RBFOX2: variants seen among roughly 807,000 people sequenced by gnomAD.
The protein encoded by RBFOX2 is RNA binding fox-1 homolog 2, also known as RNA binding protein fox-1 homolog 2.
A neutral mutation model predicts 49.1 loss-of-function variants in RBFOX2; 10 were observed. That is an observed-to-expected ratio of 0.20 (90% CI 0.13 to 0.35). The LOEUF (loss-of-function observed/expected upper bound fraction) is 0.35, where lower values mean the gene tolerates loss of function less well. Ranked by LOEUF, RBFOX2 falls within the 10% of genes least tolerant of loss-of-function variation. RBFOX2 has a pLI of 1.00. For synonymous variants in RBFOX2, 183 were observed against 187.4 expected (o/e 0.98, Z 0.19); for missense variants, 323 against 486.9 (o/e 0.66, Z 3.17).
At chr22:35,908,011 G>T (rs547023138) in intron 1 of RBFOX2, among the ~76,000 whole-genome samples, 7 of 152,278 alleles carry the variant, frequency 4.6e-5, no homozygotes, top group African/African-American at 1.7e-4. Context: ...CACATTTGAT[G>T]ACCAAAACAG....
exon 2 of RBFOX2, chr22:35,809,785 G>A: frequency 6.2e-7 from 1 of 1,613,740 alleles, no homozygotes; most frequent in Non-Finnish European, 8.5e-7. Context: ...CGTACCGTAA[G>A]AGATCCATTT....
intron 1 of RBFOX2, among the ~76,000 whole-genome samples, chr22:35,956,156 T>G (rs1316586407): frequency 6.6e-6 from 1 of 152,248 alleles, no homozygotes; most frequent in Non-Finnish European, 1.5e-5. Context: ...ATCTTCCAAC[T>G]GTTGACACAT....
In RBFOX2 at chr22:35,978,867, T is replaced by C. The variant is rs563025366; in HGVS notation, c.187-39970A>G. Reference sequence around the variant, plus strand: ...CTAGCATTTGACAGAATAAAACTGGTTGGTTCAGGAAAGAGTAGTCAATAG... The same window carrying C: ...CTAGCATTTGACAGAATAAAACTGGCTGGTTCAGGAAAGAGTAGTCAATAG... On this transcript the variant is annotated intron_variant, in intron 1 of 13. Coordinates refer to the RBFOX2 transcript ENST00000438146. Among the ~76,000 whole-genome samples the C allele has an allele frequency of 7.2e-5, 11 of 152,250 alleles. No homozygotes were observed. The South Asian group carries it at 1.9e-3, about 26-fold the overall frequency.
At chr22:35,815,942 A>G (rs1421086904) in intron 1 of RBFOX2, among the ~76,000 whole-genome samples, 1 of 152,230 alleles carries the variant, frequency 6.6e-6, no homozygotes, top group South Asian at 2.1e-4. Context: ...TGTCATTCTC[A>G]GATCTGGTAC....
intron 1 of RBFOX2, among the ~76,000 whole-genome samples, chr22:35,839,480 C>G (rs781062779): frequency 6.6e-6 from 1 of 151,998 alleles, no homozygotes; most frequent in Non-Finnish European, 1.5e-5. Flanking sequence ...GAGAGAAAAA[C>G]GAGAGGGGAG....
chr22:35,757,969 T>C (rs1937504555), intron 9 of RBFOX2, among the ~76,000 whole-genome samples: 1 of 152,196 alleles, frequency 6.6e-6, no homozygotes. Flanking sequence ...CATTTTACCC[T>C]AAGTCAAATA....
chr22:35,742,274 GC>G (rs1247338825), exon 12 of RBFOX2: 1 of 152,220 alleles, frequency 6.6e-6, no homozygotes, highest in Non-Finnish European at 1.5e-5. Context: ...CCTTGACATC[GC>G]CCCTAGTTTC....
intron 1 of RBFOX2, among the ~76,000 whole-genome samples, chr22:35,955,902 T>C (rs1344395375): frequency 6.6e-6 from 1 of 152,220 alleles, no homozygotes; most frequent in Non-Finnish European, 1.5e-5. Context: ...ATTCCATGGA[T>C]ATGTATCTGG....
intron 1 of RBFOX2, among the ~76,000 whole-genome samples, chr22:36,012,193 C>T (rs528783837): frequency 3.9e-5 from 6 of 152,138 alleles, no homozygotes; most frequent in African/African-American, 7.2e-5. Context: ...ATTAAATATA[C>T]GGCATGCCAA....
chr22:35,826,033 T>G (rs1307701758), intron 1 of RBFOX2, among the ~76,000 whole-genome samples: 1 of 129,362 alleles, frequency 7.7e-6, no homozygotes, highest in East Asian at 2.3e-4. Context: ...TATAAAAAAT[T>G]CTTTGCTTTT....
At chr22:35,800,672 G>A (rs1173634976) in intron 2 of RBFOX2, among the ~76,000 whole-genome samples, 1 of 150,684 alleles carries the variant, frequency 6.6e-6, no homozygotes, top group Admixed American at 6.6e-5. Flanking sequence ...TCTCTCCTCA[G>A]AACTGCCATA....
chr22:35,843,819 A>G (rs188057721), upstream of RBFOX2, among the ~76,000 whole-genome samples: 1 of 152,300 alleles, frequency 6.6e-6, no homozygotes, highest in Admixed American at 6.5e-5. Flanking sequence ...CAGGCACCCC[A>G]GTAGAAATTT....
chr22:35,920,077 C>T (rs1330284312), intron 1 of RBFOX2, among the ~76,000 whole-genome samples: 2 of 152,144 alleles, frequency 1.3e-5, no homozygotes, highest in East Asian at 1.9e-4. Flanking sequence ...TGAGGATAAA[C>T]GACAGCATAA....
chr22:35,985,863 C>T (rs112423578), intron 1 of RBFOX2, among the ~76,000 whole-genome samples: 7 of 151,554 alleles, frequency 4.6e-5, no homozygotes, highest in Admixed American at 2.6e-4. Context: ...GGCAACAAAG[C>T]AGGAAAGACT....
intron 1 of RBFOX2, among the ~76,000 whole-genome samples, chr22:35,857,860 C>T (rs948102610): frequency 6.6e-6 from 1 of 152,168 alleles, no homozygotes; most frequent in African/African-American, 2.4e-5. Context: ...TAAGCATAAT[C>T]GTGTACTATT....
intron 1 of RBFOX2, among the ~76,000 whole-genome samples, chr22:35,852,505 A>AG (rs2042058273): frequency 6.6e-6 from 1 of 151,586 alleles, no homozygotes; most frequent in African/African-American, 2.4e-5. Flanking sequence ...AAAAAAAAAA[A>AG]GAATGTTTCT....
intron 1 of RBFOX2, among the ~76,000 whole-genome samples, chr22:35,859,976 C>G (rs1274837519): frequency 6.6e-6 from 1 of 152,114 alleles, no homozygotes; most frequent in Admixed American, 6.6e-5. Flanking sequence ...GGGAAACATA[C>G]CTAAAAATAA....
At chr22:35,815,389 G>T (rs1393153356) in intron 1 of RBFOX2, among the ~76,000 whole-genome samples, 1 of 152,136 alleles carries the variant, frequency 6.6e-6, no homozygotes, top group Non-Finnish European at 1.5e-5. Context: ...ACACAGAAAT[G>T]ACCCAAAATA....
chr22:36,005,937 T>C (rs894798934), intron 1 of RBFOX2, among the ~76,000 whole-genome samples: 1 of 152,226 alleles, frequency 6.6e-6, no homozygotes, highest in Non-Finnish European at 1.5e-5. Flanking sequence ...TTTATTTCAA[T>C]CCCTCTCTCA....
Sources: gnomAD v4.1 joint callset for allele counts (sites outside exome capture counted in the v4.1 genomes callset) on GRCh38, gnomAD v4.1.1 for gene constraint, MANE v1.5 for transcripts, NCBI Gene and HGNC (gene_info 2026-07-23, HGNC 2026-07-21) for gene names.